MTA3: variants seen among roughly 807,000 people sequenced by gnomAD.
MTA3 encodes metastasis-associated protein MTA3.
A neutral mutation model predicts 83.5 loss-of-function variants in MTA3; 34 were observed. The observed-to-expected ratio is 0.41, with a 90% CI of 0.31 to 0.54. The LOEUF (loss-of-function observed/expected upper bound fraction) is 0.54. Among genes scored for constraint, MTA3 ranks in the 20% least tolerant of loss-of-function variants. The pLI is 0.33. For synonymous variants in MTA3, 303 were observed against 252.7 expected, an observed-to-expected ratio of 1.20 and a Z score of -1.89; for missense variants, 761 against 726.4, an observed-to-expected ratio of 1.05 and a Z score of -0.55.
Position 42,682,476 on chromosome 2 carries a change from G to A in MTA3, c.778G>A (p.Gly260Arg). Residue 260 changes from glycine (G) to arginine (R), a missense_variant, in exon 9 of 17, where the codon GGA becomes AGA. By Grantham distance (125) the Gly-to-Arg change is moderately radical (BLOSUM62 -2). Coordinates refer to ENST00000405094, the MANE Select transcript of MTA3 (RefSeq NM_001330442.2). ...CATTAGTGTCTTAGTACCACTCGGAGGACCTGTTTTATGCAGAGATGAAAT... is the reference window on the plus strand; with the variant it reads ...CATTAGTGTCTTAGTACCACTCGGAAGACCTGTTTTATGCAGAGATGAAAT... ...SAISVLVPLG[G>R]PVLCRDEMEE... 6.2e-7 allele frequency: 1 copy of A among 1,612,314 alleles called. No individual in the cohort carries two copies. Among genetic ancestry groups the A allele is most frequent in the East Asian group, 2.2e-5 (1 of 44,810 alleles).
rs1358218299 is a variant in MTA3 at position 42,754,681 on chromosome 2, C to G, written c.*1282C>G. ...AGACAACTGGAGTCTGATCTCCCAG[C>G]CATCTCTGGGGTTACTAGGAGGCAG... is the stretch of plus-strand genomic sequence containing the variant. On this transcript the variant is annotated 3_prime_UTR_variant, in exon 17 of 17. Coordinates refer to ENST00000405094, the MANE Select transcript of MTA3 (RefSeq NM_001330442.2). 1.0e-6 allele frequency: 1 copy of G among 985,354 alleles called. No individual in the cohort carries two copies. Among genetic ancestry groups the G allele is most frequent in the Non-Finnish European group, 1.2e-6 (1 of 829,972 alleles). The allele number at this position is 985,354 out of a possible 1,614,324, so 61.0% of individuals were successfully genotyped here.
At chr2:42,675,001 G>A (rs894810099) in intron 8 of MTA3, among the ~76,000 whole-genome samples, 23 of 151,830 alleles carry the variant, frequency 1.5e-4, no homozygotes, top group Admixed American at 3.3e-4. Context: ...AAAAATTAAT[G>A]CTGAGGCTGG....
chr2:42,703,826 G>A (rs964158971), intron 11 of MTA3: 13 of 167,432 alleles, frequency 7.8e-5, no homozygotes, highest in African/African-American at 2.2e-4. Flanking sequence ...GGACACGGAT[G>A]TTGCAGTGAG....
chr2:42,533,425 T>A (rs1359698129), intron 2 of MTA3: 1 of 151,992 alleles, frequency 6.6e-6, no homozygotes, highest in Non-Finnish European at 1.5e-5. Context: ...AGAACACATT[T>A]TGGGTGCTCG....
intron 2 of MTA3, among the ~76,000 whole-genome samples, chr2:42,562,273 G>T (rs1036269519): frequency 2.6e-5 from 4 of 152,084 alleles, no homozygotes; most frequent in Admixed American, 1.3e-4. Context: ...ATATTCGCAG[G>T]TTCTGGGTGG....
At chr2:42,612,013 A>T (rs4953500) in intron 4 of MTA3, among the ~76,000 whole-genome samples, 114,733 of 151,986 alleles carry the variant, frequency 0.75, 43,679 homozygotes, top group South Asian at 0.88. Flanking sequence ...TTGCTAGGGT[A>T]AGTATATTCT....
rs765577088 is a variant in MTA3, at chr2:42,552,942, TC to T, written c.-140-17493del. 7.6e-4 allele frequency among the ~76,000 whole-genome samples: 111 copies of T among 145,236 alleles called. 1 individual carries two copies. The highest frequency in any genetic ancestry group is 1.6e-3 in the Non-Finnish European group (107 of 66,482). ...TCCAGCCTGGGCGACACCGCAAGACTCCATCTCAAAAAATTAAAAAAAAAAA... is the reference window on the plus strand; with the variant it reads ...TCCAGCCTGGGCGACACCGCAAGACTCATCTCAAAAAATTAAAAAAAAAAA... On this transcript the variant is annotated intron_variant, in intron 2 of 17. Transcript: ENST00000405592.
chr2:42,604,528 G>T (rs2104020897), intron 3 of MTA3, among the ~76,000 whole-genome samples: 1 of 149,172 alleles, frequency 6.7e-6, no homozygotes, highest in South Asian at 2.1e-4. Flanking sequence ...GCTGAATTTA[G>T]TGTTGCTCGA....
At chr2:42,641,778 A>G (rs1199189793) in intron 5 of MTA3, among the ~76,000 whole-genome samples, 1 of 152,164 alleles carries the variant, frequency 6.6e-6, no homozygotes, top group Non-Finnish European at 1.5e-5. Flanking sequence ...AGGCAGGAGA[A>G]TACCTTGGAT....
At chr2:42,555,267 A>C (rs2103786149) in intron 2 of MTA3, among the ~76,000 whole-genome samples, 1 of 151,656 alleles carries the variant, frequency 6.6e-6, no homozygotes, top group Non-Finnish European at 1.5e-5. Flanking sequence ...GTTCGAGACC[A>C]GCCTGACCAA....
At chr2:42,681,975 A>G (rs1342453902) in intron 8 of MTA3, among the ~76,000 whole-genome samples, 2 of 152,034 alleles carry the variant, frequency 1.3e-5, no homozygotes, top group East Asian at 3.9e-4. Flanking sequence ...GGGAGGCTAT[A>G]GTGGGAGGAT....
chr2:42,582,907 C>T (rs1227597611), intron 3 of MTA3, among the ~76,000 whole-genome samples: 8 of 152,132 alleles, frequency 5.3e-5, no homozygotes, highest in African/African-American at 1.9e-4. Context: ...GCTTGCCACT[C>T]TCACCACACA....
intron 16 of MTA3, 140 bp from the exon 17 acceptor site, chr2:42,753,234 A>C: frequency 1.4e-6 from 2 of 1,459,036 alleles, no homozygotes; most frequent in African/African-American, 1.4e-5. Context: ...TGGCCTAGTC[A>C]TGAGATTTTC....
intron 2 of MTA3, among the ~76,000 whole-genome samples, chr2:42,528,245 G>C (rs997761272): frequency 1.4e-5 from 2 of 147,924 alleles, no homozygotes; most frequent in Non-Finnish European, 3.0e-5. Context: ...TTTGGAAATA[G>C]AGTCTTGCTC....
In MTA3 at chr2:42,521,966, G is replaced by A. The variant is rs553341733; in HGVS notation, c.-141+26712G>A. On this transcript the variant is annotated intron_variant, in intron 2 of 17. Coordinates refer to the MTA3 transcript ENST00000405592. ...ATGGGGTTTCACCATGTTGGCCAGG[G>A]TGGTCTTGAACTCCTGACCTCAGGT... Among the ~76,000 whole-genome samples, 5 of 151,996 alleles carry A rather than the reference G, an allele frequency of 3.3e-5. No individual in the cohort carries two copies. The South Asian group carries it at 8.3e-4, about 25-fold the overall frequency.
intron 9 of MTA3, among the ~76,000 whole-genome samples, chr2:42,685,391 T>A (rs1408009548): frequency 3.9e-5 from 6 of 152,196 alleles, no homozygotes; most frequent in African/African-American, 1.4e-4. Context: ...CCTCCAAGAT[T>A]GTGACTTTGA....
chr2:42,680,369 C>G (rs1373862035), intron 8 of MTA3: 2 of 152,212 alleles, frequency 1.3e-5, no homozygotes, highest in Non-Finnish European at 2.9e-5. Flanking sequence ...CTTGGAGATG[C>G]ACGACTTAAG....
At chr2:42,571,578 T>G (rs1396756828) in intron 2 of MTA3, among the ~76,000 whole-genome samples, 1 of 152,180 alleles carries the variant, frequency 6.6e-6, no homozygotes, top group East Asian at 1.9e-4. Context: ...TCATAATGTG[T>G]ATTTTTCCCT....
chr2:42,524,472 G>GTGTTTTTTTTTT (rs1553337451), intron 2 of MTA3, among the ~76,000 whole-genome samples: 2 of 70,664 alleles, frequency 2.8e-5, no homozygotes, highest in African/African-American at 1.1e-4. Context: ...GGCTAGTTGT[G>GTGTTTTTTTTTT]TTTTTTTTTT....
Sources: allele counts gnomAD v4.1 joint callset (sites outside exome capture counted in the v4.1 genomes callset), GRCh38; gene constraint gnomAD v4.1.1; transcripts MANE v1.5; gene names NCBI Gene and HGNC (gene_info 2026-07-23, HGNC 2026-07-21).